The following PSTPIP1 variants were observed in gnomAD, a reference collection of about 807,000 sequenced individuals.
PSTPIP1 encodes the protein proline-serine-threonine phosphatase-interacting protein 1.
A neutral mutation model predicts 69.6 loss-of-function variants in PSTPIP1; 66 were observed. That is an observed-to-expected ratio of 0.95 (90% CI 0.78 to 1.16). The LOEUF (loss-of-function observed/expected upper bound fraction) is 1.16. PSTPIP1 is among the 50% of genes most tolerant of loss of function. PSTPIP1 has a pLI of 0.00. For missense variants in PSTPIP1, 603 were observed against 557.4 expected (o/e 1.08, Z -0.82); for synonymous variants, 266 against 222.7 (o/e 1.19, Z -1.73).
chr15:76,994,703 C>A (rs926369604), upstream of PSTPIP1: 2 of 1,243,986 alleles, frequency 1.6e-6, no homozygotes, highest in Admixed American at 4.6e-5. Flanking sequence ...GTGCTCACAG[C>A]CCCCCAGAGC....
intron 3 of PSTPIP1, among the ~76,000 whole-genome samples, chr15:77,022,714 T>C (rs769059391): frequency 2.6e-5 from 4 of 152,192 alleles, no homozygotes; most frequent in African/African-American, 7.2e-5. Context: ...TGAAATTTCA[T>C]CTGGGGCCAA....
intron 3 of PSTPIP1, among the ~76,000 whole-genome samples, chr15:77,021,185 C>G (rs2076152957): frequency 6.6e-6 from 1 of 152,224 alleles, no homozygotes; most frequent in African/African-American, 2.4e-5. Context: ...TCTGCAGTCC[C>G]CTGACCTCAA....
chr15:77,030,521 C>G lies in PSTPIP1; in HGVS notation c.582C>G (p.Ser194Arg), dbSNP rs765316799. The change falls in exon 9 of 15, where the codon AGC (serine) becomes AGG (arginine). Residue 194 changes from serine to arginine, a missense_variant. By Grantham distance (110) the Ser-to-Arg change is moderately radical. Transcript: ENST00000558012. ...ATEAERVYRQSIAQLEKVRAE... is the reference protein window; with the variant it reads ...ATEAERVYRQRIAQLEKVRAE... Reference sequence around the variant, plus strand: ...TTTCAGAGCGGGTATACAGGCAGAGCATTGCGCAGCTGGAGAAGGTCCGGG... The same window carrying G: ...TTTCAGAGCGGGTATACAGGCAGAGGATTGCGCAGCTGGAGAAGGTCCGGG... 1 of 1,612,610 alleles carries G rather than the reference C, an allele frequency of 6.2e-7. No individual in the cohort carries two copies. Among genetic ancestry groups the G allele is most frequent in the Non-Finnish European group, 8.5e-7 (1 of 1,179,598 alleles).
In PSTPIP1 at chr15:77,027,825, C is replaced by G; in HGVS notation, c.355-27C>G. 1 of 1,554,340 alleles carries G rather than the reference C, an allele frequency of 6.4e-7. No individual in the cohort carries two copies. On this transcript the variant is annotated intron_variant, in intron 5 of 14. Coordinates refer to ENST00000558012, the MANE Select transcript of PSTPIP1 (RefSeq NM_003978.5). The surrounding 1 kb of genome is among the most constrained non-coding windows in gnomAD (Gnocchi z 4.3). The stretch of plus-strand genomic sequence containing the variant: ...GGGAGCCTCCCGAGGCCGCGGCCCT[C>G]GGCTCAGAACCTCGTGTCCCCTGCA...
Position 77,035,571 on chromosome 15 carries a change from G to A in PSTPIP1, c.985+8G>A, listed in dbSNP as rs1442053126. 6.4e-7 allele frequency: 1 copy of A among 1,572,546 alleles called. No individual in the cohort carries two copies. The highest frequency in any genetic ancestry group is 1.9e-5 in the Admixed American group (1 of 53,666). ...CGTTGGCAGCTTCTGCTGGTAAAGG[G>A]GGTCAGGAGGGGACCCCCAAACACA... On this transcript the variant is annotated splice_region_variant and intron_variant, in intron 13 of 14. Coordinates refer to ENST00000558012, the MANE Select transcript of PSTPIP1 (RefSeq NM_003978.5).
chr15:77,027,685 A>G lies in PSTPIP1; in HGVS notation c.355-167A>G. 1.3e-6 allele frequency: 1 copy of G among 753,932 alleles called. No homozygotes were observed. Among genetic ancestry groups the G allele is most frequent in the South Asian group, 1.5e-5 (1 of 67,724 alleles). The allele number at this position is 753,932 out of a possible 1,614,324, so 46.7% of individuals were successfully genotyped here. On this transcript the variant is annotated intron_variant, in intron 5 of 14. Transcript: ENST00000558012. This position sits in a 1 kb window ranked among gnomAD's most constrained non-coding sequence, Gnocchi z 4.3. Reference sequence around the variant, plus strand: ...TGATTCTCTGTGGCCTTCCATTGTGAGGGTCACTGTGAAGCAGCAGGCTCT... The same window carrying G: ...TGATTCTCTGTGGCCTTCCATTGTGGGGGTCACTGTGAAGCAGCAGGCTCT...
chr15:77,036,907 G>A lies in PSTPIP1; in HGVS notation c.1120-138G>A, dbSNP rs948221702. 6 of 1,160,044 alleles carry A rather than the reference G, an allele frequency of 5.2e-6. No homozygotes were observed. The African/African-American group carries it at 9.2e-5, about 18-fold the overall frequency. The allele number at this position is 1,160,044 out of a possible 1,614,324, so 71.9% of individuals were successfully genotyped here. A position where few individuals can be genotyped will look rare whatever the true frequency, so the allele number is the denominator to read the frequency against. Reference sequence around the variant, plus strand: ...CGGTCCGTTGGGTTACCCCCATCCTGTGTCCCCAAGGGGCTGCCCCTGCCC... The same window carrying A: ...CGGTCCGTTGGGTTACCCCCATCCTATGTCCCCAAGGGGCTGCCCCTGCCC... On this transcript the variant is annotated intron_variant, in intron 14 of 14. Transcript: ENST00000558012.
chr15:77,017,112 C>T (rs1280722634), intron 1 of PSTPIP1, among the ~76,000 whole-genome samples: 1 of 152,134 alleles, frequency 6.6e-6, no homozygotes, highest in African/African-American at 2.4e-5. Flanking sequence ...CCCAGCACCT[C>T]TCAAGCTCCC....
chr15:77,005,156 G>A (rs1433573271), intron 1 of PSTPIP1, among the ~76,000 whole-genome samples: 2 of 152,118 alleles, frequency 1.3e-5, no homozygotes, highest in East Asian at 3.9e-4. Flanking sequence ...GGCCAAGGTG[G>A]GCAGATCACC....
intron 1 of PSTPIP1, among the ~76,000 whole-genome samples, chr15:77,015,317 C>T (rs2076026632): frequency 6.6e-6 from 1 of 152,122 alleles, no homozygotes; most frequent in Non-Finnish European, 1.5e-5. Context: ...CAAACTCTGC[C>T]CTTTACCCAT....
intron 1 of PSTPIP1, among the ~76,000 whole-genome samples, chr15:77,002,758 A>C (rs1035244867): frequency 6.6e-6 from 1 of 152,198 alleles, no homozygotes; most frequent in Non-Finnish European, 1.5e-5. Context: ...ATTCAATTTT[A>C]TTCTTGATAA....
At chr15:77,023,254 G>C (rs948948234) in intron 3 of PSTPIP1, among the ~76,000 whole-genome samples, 11 of 152,268 alleles carry the variant, frequency 7.2e-5, no homozygotes, top group African/African-American at 1.9e-4. Context: ...CTGCGTGACA[G>C]ACATCCGCTG....
rs551395257 is a variant in PSTPIP1 at position 77,027,149 on chromosome 15, G to C, written c.355-703G>C. On this transcript the variant is annotated intron_variant, in intron 5 of 14. Transcript: ENST00000558012. This position sits in a 1 kb window ranked among gnomAD's most constrained non-coding sequence, Gnocchi z 4.3. ...GTGTGTGAGTGCCTGTGCCTCGCTG[G>C]TCTCCCAGCTGGCACAGAACCCCTC... Among the ~76,000 whole-genome samples, 1 of 152,208 alleles carries C rather than the reference G, an allele frequency of 6.6e-6. No individual in the cohort carries two copies. Among genetic ancestry groups the C allele is most frequent in the Non-Finnish European group, 1.5e-5 (1 of 68,034 alleles).
intron 3 of PSTPIP1, among the ~76,000 whole-genome samples, chr15:77,022,113 T>C (rs1001871844): frequency 6.6e-6 from 1 of 152,266 alleles, no homozygotes; most frequent in African/African-American, 2.4e-5. Flanking sequence ...GCTGTGGTTT[T>C]CCTGTCAGAG....
chr15:77,035,834 C>G lies in PSTPIP1; in HGVS notation c.1018C>G (p.Arg340Gly). The G allele has an allele frequency of 6.2e-7, 1 of 1,609,870 alleles. No homozygotes were observed. Among genetic ancestry groups the G allele is most frequent in the Non-Finnish European group, 8.5e-7 (1 of 1,179,604 alleles). ...STETLTPTPE[R>G]NEGVYTAIAV... ...AGAGACCCTGACCCCCACCCCCGAG[C>G]GGAATGAGGGTGTCTACACAGCCAT... The change falls in exon 14 of 15, where the codon CGG (arginine) becomes GGG (glycine). Residue 340 changes from arginine to glycine, a missense_variant. Arg to Gly is a moderately radical substitution (Grantham distance 125). Transcript: ENST00000558012.
chr15:77,028,647 G>T lies in PSTPIP1; in HGVS notation c.511G>T (p.Glu171Ter). The part of the protein sequence containing the change: ...ISANGHQKQV[E>*]KSQNKARQCK... ...CGCCAACGGCCACCAGAAGCAGGTG[G>T]AGAAGGTGCGCTGGGCTGCTGGGCC... Residue 171 changes from glutamate to a stop codon, truncating the protein, a stop_gained, in exon 7 of 15, where the codon GAG becomes TAG. Coordinates refer to ENST00000558012, the MANE Select transcript of PSTPIP1 (RefSeq NM_003978.5). LOFTEE classifies it high-confidence loss of function. The T allele has an allele frequency of 6.4e-7, 1 of 1,566,702 alleles. No homozygotes were observed. The highest frequency in any genetic ancestry group is 1.2e-5 in the South Asian group (1 of 85,240).
intron 1 of PSTPIP1, among the ~76,000 whole-genome samples, chr15:77,006,835 C>T (rs1452918048): frequency 6.6e-6 from 1 of 152,208 alleles, no homozygotes; most frequent in Non-Finnish European, 1.5e-5. Flanking sequence ...CGCACTACTT[C>T]AATTACTGTA....
chr15:77,008,011 C>G (rs902913623), intron 1 of PSTPIP1: 2 of 456,278 alleles, frequency 4.4e-6, no homozygotes, highest in African/African-American at 4.0e-5. Flanking sequence ...TCCTAGGCAT[C>G]AGGACATCAG....
Position 77,027,874 on chromosome 15 carries a change from T to C in PSTPIP1, c.377T>C (p.Val126Ala). 1.3e-6 allele frequency: 2 copies of C among 1,569,970 alleles called. No individual in the cohort carries two copies. Among genetic ancestry groups the C allele is most frequent in the Non-Finnish European group, 1.7e-6 (2 of 1,158,464 alleles). ...CAGTATGAGGCCGTCATGGACCGGG[T>C]CCAGAAGAGCAAGCTGTCGCTCTAC... The part of the protein sequence containing the change: ...RKKYEAVMDR[V>A]QKSKLSLYKK... The change falls in exon 6 of 15, where the codon GTC (valine) becomes GCC (alanine). Residue 126 changes from valine (V) to alanine (A), a missense_variant. Physicochemically the swap from Val to Ala is moderately conservative, Grantham distance 64 (BLOSUM62 0). Coordinates refer to ENST00000558012, the MANE Select transcript of PSTPIP1 (RefSeq NM_003978.5). This position sits in a 1 kb window ranked among gnomAD's most constrained non-coding sequence, Gnocchi z 4.3.
Sources: gnomAD v4.1 joint callset for allele counts (sites outside exome capture counted in the v4.1 genomes callset) on GRCh38, gnomAD v4.1.1 for gene constraint, Gnocchi (gnomAD v3.1) non-coding constraint, MANE v1.5 for transcripts, NCBI Gene and HGNC (gene_info 2026-07-23, HGNC 2026-07-21) for gene names.